Variants in SDHAF4 observed in about 807,000 individuals in gnomAD.
The protein encoded by SDHAF4 is succinate dehydrogenase complex assembly factor 4.
In SDHAF4, 14 loss-of-function variants were observed where a neutral mutation model predicts 14.3. The ratio of observed to expected loss-of-function variants is 0.98; its 90% CI spans 0.65 to 1.53. The LOEUF (loss-of-function observed/expected upper bound fraction) is 1.53. Among genes scored for constraint, SDHAF4 ranks in the 40% most tolerant of loss-of-function variants. The pLI is 0.00. For synonymous variants in SDHAF4, 63 were observed against 47.3 expected (o/e 1.33, Z -1.36); for missense variants, 141 against 129.3 (o/e 1.09, Z -0.44).
chr6:70,581,758 C>G (rs960600151), intron 2 of SDHAF4, among the ~76,000 whole-genome samples: 1 of 152,152 alleles, frequency 6.6e-6, no homozygotes, highest in Non-Finnish European at 1.5e-5. Flanking sequence ...CAGGCACATA[C>G]CACCATGCTC....
At chr6:70,586,771 A>G (rs1765205740) in intron 2 of SDHAF4, among the ~76,000 whole-genome samples, 1 of 152,214 alleles carries the variant, frequency 6.6e-6, no homozygotes, top group Non-Finnish European at 1.5e-5. Flanking sequence ...AATTTTAAAA[A>G]TATACTAAAT....
the SDHAF4 span, among the ~76,000 whole-genome samples, chr6:70,595,858 GAAAA>G: frequency 3.4e-5 from 5 of 145,334 alleles, no homozygotes; most frequent in African/African-American, 1.3e-4. Flanking sequence ...AAAAAGAAAA[GAAAA>G]AAAGAAAAAT....
At chr6:70,574,949 C>G (rs1802233071) in intron 1 of SDHAF4, among the ~76,000 whole-genome samples, 1 of 152,120 alleles carries the variant, frequency 6.6e-6, no homozygotes, top group Non-Finnish European at 1.5e-5. Flanking sequence ...AAAAATCTTC[C>G]AGTTCACTTT....
chr6:70,567,615 G>A (rs1040909893), intron 1 of SDHAF4: 2 of 152,126 alleles, frequency 1.3e-5, no homozygotes, highest in Admixed American at 1.3e-4. Flanking sequence ...ATTGTTGTTG[G>A]AAATTTTTCT....
intron 1 of SDHAF4, 63 bp from the exon 2 acceptor site, chr6:70,579,351 T>C (rs774736592): frequency 8.1e-6 from 10 of 1,237,686 alleles, no homozygotes; most frequent in Non-Finnish European, 1.1e-5. Flanking sequence ...AATAAAATTT[T>C]ATAAATGTTT....
chr6:70,591,708 T>C (rs1445359146), downstream of SDHAF4, among the ~76,000 whole-genome samples: 3 of 152,226 alleles, frequency 2.0e-5, no homozygotes, highest in African/African-American at 4.8e-5. Context: ...ATGTCATTAG[T>C]TGAAAATAGT....
At chr6:70,588,294 G>A (rs1288788290) in intron 2 of SDHAF4, among the ~76,000 whole-genome samples, 1 of 152,180 alleles carries the variant, frequency 6.6e-6, no homozygotes, top group African/African-American at 2.4e-5. Flanking sequence ...GCCGAGGCAG[G>A]CAGAACACTT....
intron 2 of SDHAF4, among the ~76,000 whole-genome samples, chr6:70,588,283 G>A (rs1263144485): frequency 1.3e-5 from 2 of 152,224 alleles, no homozygotes; most frequent in African/African-American, 4.8e-5. Flanking sequence ...CACTTTGGGA[G>A]GCCGAGGCAG....
chr6:70,567,293 GGTT>G (rs1234507676), intron 1 of SDHAF4: 3 of 455,742 alleles, frequency 6.6e-6, no homozygotes, highest in South Asian at 3.3e-5. Flanking sequence ...AAACGTTCCG[GGTT>G]GTTCCTGTGG....
intron 1 of SDHAF4, among the ~76,000 whole-genome samples, chr6:70,569,027 G>A (rs760985347): frequency 1.3e-4 from 18 of 141,602 alleles, no homozygotes; most frequent in Non-Finnish European, 2.4e-4. Context: ...GTGCAGTGGC[G>A]CGATCTCGAC....
chr6:70,569,265 C>CT (rs906028863), intron 1 of SDHAF4, among the ~76,000 whole-genome samples: 33 of 150,312 alleles, frequency 2.2e-4, no homozygotes, highest in African/African-American at 7.8e-4. Flanking sequence ...CACCCGGCCT[C>CT]TTTTTTCTTT....
At chr6:70,595,960 T>C in the SDHAF4 span, among the ~76,000 whole-genome samples, 1 of 152,284 alleles carries the variant, frequency 6.6e-6, no homozygotes, top group Non-Finnish European at 1.5e-5. Flanking sequence ...CTTATATACT[T>C]CAAAAGCTAA....
At chr6:70,596,080 A>G in the SDHAF4 span, among the ~76,000 whole-genome samples, 1 of 152,216 alleles carries the variant, frequency 6.6e-6, no homozygotes, top group Non-Finnish European at 1.5e-5. Context: ...TGGTGACATG[A>G]AAACACTTGT....
chr6:70,585,407 GTC>G (rs1393172620), intron 2 of SDHAF4, among the ~76,000 whole-genome samples: 1 of 152,216 alleles, frequency 6.6e-6, no homozygotes, highest in African/African-American at 2.4e-5. Context: ...AGAGCTTGCT[GTC>G]TCTCTTTCTC....
the SDHAF4 span, among the ~76,000 whole-genome samples, chr6:70,598,340 C>G: frequency 6.6e-6 from 1 of 152,134 alleles, no homozygotes; most frequent in African/African-American, 2.4e-5. Flanking sequence ...GGTGGAGCCA[C>G]TGCACTCCAG....
At chr6:70,579,750 A>C (rs1474981780) in intron 2 of SDHAF4, among the ~76,000 whole-genome samples, 184 bp downstream of exon 2, 1 of 152,154 alleles carries the variant, frequency 6.6e-6, no homozygotes. Context: ...AATAAAAAAG[A>C]TTTTCAAGAT....
intron 1 of SDHAF4, among the ~76,000 whole-genome samples, chr6:70,568,230 A>T (rs1802130189): frequency 6.6e-6 from 1 of 152,210 alleles, no homozygotes; most frequent in South Asian, 2.1e-4. Flanking sequence ...TGTAGGGTTC[A>T]TTCAACATCC....
chr6:70,570,524 T>A (rs1049489997), intron 1 of SDHAF4, among the ~76,000 whole-genome samples: 5 of 152,122 alleles, frequency 3.3e-5, no homozygotes, highest in African/African-American at 1.2e-4. Flanking sequence ...GGTTTTGCCA[T>A]GTTAGCCAAG....
intron 2 of SDHAF4, among the ~76,000 whole-genome samples, chr6:70,579,856 T>C (rs1319061018): frequency 6.7e-6 from 1 of 149,844 alleles, no homozygotes; most frequent in Non-Finnish European, 1.5e-5. Context: ...TACAAATAAA[T>C]GATGTTATTT....
Sources: gnomAD v4.1 joint callset for allele counts (sites outside exome capture counted in the v4.1 genomes callset) on GRCh38, gnomAD v4.1.1 for gene constraint, MANE v1.5 for transcripts, NCBI Gene and HGNC (gene_info 2026-07-23, HGNC 2026-07-21) for gene names.